NDUFA5: variants seen among roughly 807,000 people sequenced by gnomAD.
NDUFA5 encodes the protein NADH dehydrogenase [ubiquinone] 1 alpha subcomplex subunit 5.
In NDUFA5, 11 loss-of-function variants were observed where a neutral mutation model predicts 19.8. The observed-to-expected ratio is 0.56, with a 90% CI of 0.35 to 0.92. The LOEUF (loss-of-function observed/expected upper bound fraction) is 0.92. Ranked by LOEUF, NDUFA5 falls within the 40% of genes least tolerant of loss-of-function variation. NDUFA5 has a pLI of 0.01. For synonymous variants in NDUFA5, 47 were observed against 46.8 expected (o/e 1.00, Z -0.01); for missense variants, 109 against 134.2 (o/e 0.81, Z 0.93).
chr7:123,599,639 T>C, the NDUFA5 span, among the ~76,000 whole-genome samples: 1 of 152,314 alleles, frequency 6.6e-6, no homozygotes, highest in South Asian at 2.1e-4. Context: ...ATTCCCAAAA[T>C]AGAAATAGGT....
At chr7:123,583,357 T>C in the NDUFA5 span, among the ~76,000 whole-genome samples, 1 of 151,976 alleles carries the variant, frequency 6.6e-6, no homozygotes, top group Non-Finnish European at 1.5e-5. Context: ...AAGTGGGAAC[T>C]AACGGGAAAC....
the NDUFA5 span, among the ~76,000 whole-genome samples, chr7:123,572,996 A>T: frequency 2.0e-5 from 3 of 152,244 alleles, no homozygotes; most frequent in South Asian, 4.1e-4. Context: ...AAATTTTAAC[A>T]AACGATCAGC....
At chr7:123,567,346 T>TA in the NDUFA5 span, among the ~76,000 whole-genome samples, 1 of 152,168 alleles carries the variant, frequency 6.6e-6, no homozygotes, top group Non-Finnish European at 1.5e-5. Flanking sequence ...AGATGAATGT[T>TA]GGGAAGTTCT....
the NDUFA5 span, among the ~76,000 whole-genome samples, chr7:123,570,586 T>C: frequency 2.6e-5 from 4 of 152,230 alleles, no homozygotes; most frequent in Admixed American, 2.6e-4. Context: ...CTAGCAGGCA[T>C]GCCTGCTTAC....
At chr7:123,584,041 A>AT in the NDUFA5 span, among the ~76,000 whole-genome samples, 1 of 151,908 alleles carries the variant, frequency 6.6e-6, no homozygotes, top group African/African-American at 2.4e-5. Context: ...CTCTATTTTT[A>AT]TATGTGCATG....
intron 2 of NDUFA5, 24 bp downstream of exon 2, chr7:123,557,380 C>A (rs368147140): frequency 6.2e-7 from 1 of 1,613,600 alleles, no homozygotes; most frequent in South Asian, 1.1e-5. Context: ...AATTCAAGAA[C>A]GAAGAAAGAA....
the NDUFA5 span, among the ~76,000 whole-genome samples, chr7:123,585,543 C>T: frequency 1.3e-5 from 2 of 151,696 alleles, no homozygotes; most frequent in Non-Finnish European, 1.5e-5. Flanking sequence ...ATACATAATG[C>T]TGCAATGTGA....
chr7:123,565,014 G>A, the NDUFA5 span, among the ~76,000 whole-genome samples: 6 of 151,706 alleles, frequency 4.0e-5, no homozygotes, highest in East Asian at 1.2e-3. Flanking sequence ...ATGCAATTAC[G>A]GAAGTTGAAA....
chr7:123,572,141 T>C, the NDUFA5 span, among the ~76,000 whole-genome samples: 8 of 126,278 alleles, frequency 6.3e-5, no homozygotes, highest in Non-Finnish European at 1.3e-4. Context: ...CTTTTTTTTT[T>C]TTTTTTTTTT....
At chr7:123,583,255 AAGAC>A in the NDUFA5 span, among the ~76,000 whole-genome samples, 2 of 151,954 alleles carry the variant, frequency 1.3e-5, no homozygotes, top group East Asian at 3.9e-4. Context: ...AAATAAATAA[AAGAC>A]AGCACTGTAG....
At chr7:123,596,299 T>C in the NDUFA5 span, 1 of 152,000 alleles carries the variant, frequency 6.6e-6, no homozygotes, top group African/African-American at 2.4e-5. Context: ...CTTTTAATGG[T>C]AGAAAGGATG....
chr7:123,601,056 G>A, the NDUFA5 span, among the ~76,000 whole-genome samples: 1 of 152,202 alleles, frequency 6.6e-6, no homozygotes, highest in South Asian at 2.1e-4. Flanking sequence ...AGTTGTTTTA[G>A]TAGGGGGGTG....
chr7:123,549,292 T>C (rs1020424045), intron 3 of NDUFA5, among the ~76,000 whole-genome samples: 5 of 152,180 alleles, frequency 3.3e-5, no homozygotes, highest in Admixed American at 6.5e-5. Flanking sequence ...GCAGTTTAAA[T>C]AGCAGAGAAA....
chr7:123,575,299 C>G, the NDUFA5 span, among the ~76,000 whole-genome samples: 1 of 151,992 alleles, frequency 6.6e-6, no homozygotes, highest in Non-Finnish European at 1.5e-5. Flanking sequence ...CTTTGCATAT[C>G]CTCTTCCATT....
intron 2 of NDUFA5, 95 bp from the exon 3 acceptor site, chr7:123,550,681 A>T: frequency 2.9e-6 from 2 of 686,248 alleles, no homozygotes; most frequent in Non-Finnish European, 4.8e-6. Flanking sequence ...CAAAACTCAC[A>T]TCTGTTTTTT....
At chr7:123,564,892 GACACAC>G in the NDUFA5 span, among the ~76,000 whole-genome samples, 49 of 147,688 alleles carry the variant, frequency 3.3e-4, no homozygotes, top group East Asian at 8.1e-4. Context: ...GAAGCATCTG[GACACAC>G]ACACACACAC....
chr7:123,593,372 G>T, the NDUFA5 span, among the ~76,000 whole-genome samples: 1 of 151,988 alleles, frequency 6.6e-6, no homozygotes. Flanking sequence ...AGCCTCGATG[G>T]TCTTTATAAT....
At chr7:123,543,223 C>T (rs537405168) in intron 4 of NDUFA5, among the ~76,000 whole-genome samples, 2 of 152,174 alleles carry the variant, frequency 1.3e-5, no homozygotes, top group South Asian at 4.1e-4. Context: ...CCTAAGGTTG[C>T]CCTGGGTCTC....
At chr7:123,593,284 ATTG>A in the NDUFA5 span, among the ~76,000 whole-genome samples, 4 of 152,034 alleles carry the variant, frequency 2.6e-5, no homozygotes, top group African/African-American at 9.7e-5. Context: ...TAAGGTTAAT[ATTG>A]TTATGTGTGA....
Sources: allele counts gnomAD v4.1 joint callset (sites outside exome capture counted in the v4.1 genomes callset), GRCh38; gene constraint gnomAD v4.1.1; transcripts MANE v1.5; gene names NCBI Gene and HGNC (gene_info 2026-07-23, HGNC 2026-07-21).